Variants in SPOCK3 observed in about 807,000 individuals in gnomAD.
SPOCK3 encodes testican-3.
SPOCK3 carries 30 observed loss-of-function variants against 56.6 expected under a neutral mutation model. That is an observed-to-expected ratio of 0.53 (90% CI 0.40 to 0.72). The LOEUF is 0.72. SPOCK3 is among the 30% of genes least tolerant of loss of function. The probability of loss-of-function intolerance (pLI) is 0.00; values close to 1 mark genes in which losing one functional copy is unlikely to be tolerated. For missense variants in SPOCK3, 527 were observed against 530.0 expected (o/e 0.99, Z 0.06); for synonymous variants, 196 against 183.3 (o/e 1.07, Z -0.56).
intron 5 of SPOCK3, among the ~76,000 whole-genome samples, chr4:166,892,812 T>C (rs1200097213): frequency 6.6e-6 from 1 of 152,014 alleles, no homozygotes; most frequent in African/African-American, 2.4e-5. Flanking sequence ...GGAAAGTTAT[T>C]TTACAGTCAT....
At chr4:166,801,607 A>G (rs1579269417) in intron 6 of SPOCK3, among the ~76,000 whole-genome samples, 1 of 152,168 alleles carries the variant, frequency 6.6e-6, no homozygotes, top group East Asian at 1.9e-4. Context: ...CAAATAATAT[A>G]AATATTTAAA....
chr4:167,100,170 C>G (rs1390609743), intron 2 of SPOCK3, among the ~76,000 whole-genome samples: 1 of 151,974 alleles, frequency 6.6e-6, no homozygotes, highest in Non-Finnish European at 1.5e-5. Flanking sequence ...ATAAAGCAAC[C>G]AAGGTGTAAT....
chr4:166,985,356 C>A (rs937819400), intron 4 of SPOCK3, among the ~76,000 whole-genome samples: 4 of 152,024 alleles, frequency 2.6e-5, no homozygotes, highest in African/African-American at 9.7e-5. Context: ...ATCTTCCAGG[C>A]CCATTATTTT....
intron 2 of SPOCK3, among the ~76,000 whole-genome samples, chr4:167,135,220 A>G (rs1258829357): frequency 6.6e-6 from 1 of 151,958 alleles, no homozygotes; most frequent in Non-Finnish European, 1.5e-5. Flanking sequence ...CTTGTCATTT[A>G]TCTTCAAAGT....
intron 6 of SPOCK3, among the ~76,000 whole-genome samples, chr4:166,864,255 C>T (rs1385944473): frequency 6.6e-6 from 1 of 152,042 alleles, no homozygotes; most frequent in South Asian, 2.1e-4. Flanking sequence ...GACAACGTAC[C>T]AGAATCTCTA....
intron 2 of SPOCK3, among the ~76,000 whole-genome samples, chr4:167,223,596 T>G (rs1017053012): frequency 2.6e-5 from 4 of 151,870 alleles, no homozygotes; most frequent in African/African-American, 9.7e-5. Context: ...CTGAGTTTCC[T>G]CAGCTGCACA....
intron 2 of SPOCK3, among the ~76,000 whole-genome samples, chr4:167,177,964 G>T (rs888287075): frequency 3.9e-4 from 60 of 152,054 alleles, no homozygotes; most frequent in African/African-American, 1.4e-3. Flanking sequence ...TTCTGTCTCT[G>T]AATTATCTAT....
At chr4:167,182,815 C>T (rs1001932353) in intron 2 of SPOCK3, among the ~76,000 whole-genome samples, 9 of 152,132 alleles carry the variant, frequency 5.9e-5, no homozygotes, top group Admixed American at 5.2e-4. Context: ...GGATTACAGG[C>T]GTGAGCCACT....
At chr4:167,223,897 T>C (rs1263008779) in intron 2 of SPOCK3, among the ~76,000 whole-genome samples, 1 of 152,148 alleles carries the variant, frequency 6.6e-6, no homozygotes, top group African/African-American at 2.4e-5. Flanking sequence ...GAGTCTGTCG[T>C]ATTTTTATTA....
At chr4:166,908,272 T>TCACA (rs5863846) in intron 5 of SPOCK3, among the ~76,000 whole-genome samples, 1,690 of 138,532 alleles carry the variant, frequency 0.012, 23 homozygotes, top group African/African-American at 0.03. Context: ...ATGTTATTGT[T>TCACA]CACACACACA....
chr4:167,225,936 C>T (rs1736552711), intron 2 of SPOCK3, among the ~76,000 whole-genome samples: 1 of 152,140 alleles, frequency 6.6e-6, no homozygotes, highest in Non-Finnish European at 1.5e-5. Flanking sequence ...GGTGTCACTT[C>T]TAGTATTATT....
rs201510928 is a variant in SPOCK3, at chr4:167,021,716, CA to C, written c.236-21254del. 3.6e-4 allele frequency among the ~76,000 whole-genome samples: 54 copies of C among 151,574 alleles called. No individual in the cohort carries two copies. The South Asian group carries it at 6.0e-3, about 17-fold the overall frequency. On this transcript the variant is annotated intron_variant, in intron 3 of 10. Coordinates refer to ENST00000357545, the MANE Select transcript of SPOCK3 (RefSeq NM_001040159.2). The stretch of plus-strand genomic sequence containing the variant: ...GGAGCCAGAACGACCCATATCTATA[CA>C]AAAAAAAGGTCAAACGGCCACCACC...
At chr4:167,028,022 G>A (rs540078998) in intron 3 of SPOCK3, among the ~76,000 whole-genome samples, 2 of 152,060 alleles carry the variant, frequency 1.3e-5, no homozygotes, top group African/African-American at 4.8e-5. Context: ...CTTATTTTAT[G>A]TTTTATTTAC....
At chr4:167,226,324 G>T (rs920883338) in intron 2 of SPOCK3, among the ~76,000 whole-genome samples, 4 of 152,050 alleles carry the variant, frequency 2.6e-5, no homozygotes, top group Non-Finnish European at 5.9e-5. Flanking sequence ...GTAGGTACTA[G>T]GTGTCATAGT....
intron 4 of SPOCK3, among the ~76,000 whole-genome samples, chr4:166,913,442 TG>T (rs1392502443): frequency 6.6e-6 from 1 of 152,118 alleles, no homozygotes; most frequent in Non-Finnish European, 1.5e-5. Flanking sequence ...GTCAGGAAAA[TG>T]GCTTGAAAGT....
At chr4:166,797,917 A>G (rs1333547778) in intron 6 of SPOCK3, among the ~76,000 whole-genome samples, 1 of 152,170 alleles carries the variant, frequency 6.6e-6, no homozygotes, top group Non-Finnish European at 1.5e-5. Flanking sequence ...TGAAAACAAA[A>G]TACAGTCAAA....
intron 3 of SPOCK3, among the ~76,000 whole-genome samples, chr4:167,012,554 A>G (rs1424182779): frequency 6.6e-6 from 1 of 151,986 alleles, no homozygotes; most frequent in African/African-American, 2.4e-5. Context: ...GAAAAAAATT[A>G]AGAAAACTAA....
rs761554656 is a variant in SPOCK3, at chr4:166,889,259, A to G, written c.475-15T>C. ...TCTAGTTTGCACTGTATAAAAAGAG[A>G]AAAAAAAAGTAATTCAAATGCTTTA... is the stretch of plus-strand genomic sequence containing the variant. On this transcript the variant is annotated splice_polypyrimidine_tract_variant and intron_variant, in intron 5 of 10. Transcript: ENST00000357545. 1.1e-5 allele frequency: 16 copies of G among 1,424,662 alleles called. No individual in the cohort carries two copies. Among genetic ancestry groups the G allele is most frequent in the Middle Eastern group, 1.8e-4 (1 of 5,548 alleles). 88.3% of individuals were successfully genotyped at this position (1,424,662 alleles called of 1,614,324 possible).
At chr4:167,180,204 C>T (rs1366047878) in intron 2 of SPOCK3, among the ~76,000 whole-genome samples, 1 of 152,088 alleles carries the variant, frequency 6.6e-6, no homozygotes, top group East Asian at 1.9e-4. Context: ...AAACAGTAAC[C>T]ACTCAGGGTC....
Sources: allele counts gnomAD v4.1 joint callset (sites outside exome capture counted in the v4.1 genomes callset), GRCh38; gene constraint gnomAD v4.1.1; transcripts MANE v1.5; gene names NCBI Gene and HGNC (gene_info 2026-07-23, HGNC 2026-07-21).